COL4A3: variants seen among roughly 807,000 people sequenced by gnomAD.
The protein encoded by COL4A3 is collagen type IV alpha 3 chain, also known as collagen alpha-3(IV) chain.
A neutral mutation model predicts 217.4 loss-of-function variants in COL4A3; 135 were observed. The observed-to-expected ratio is 0.62, with a 90% CI of 0.54 to 0.72. The LOEUF (loss-of-function observed/expected upper bound fraction) is 0.72, where lower values mean the gene tolerates loss of function less well. Ranked by LOEUF, COL4A3 falls within the 30% of genes least tolerant of loss-of-function variation. The pLI is 0.00. For synonymous variants in COL4A3, 690 were observed against 736.3 expected (o/e 0.94, Z 1.02); for missense variants, 1,868 against 2,119.9 (o/e 0.88, Z 2.33).
At chr2:227,194,771 T>C (rs6724276) in intron 1 of COL4A3, among the ~76,000 whole-genome samples, 93,478 of 152,018 alleles carry the variant, frequency 0.61, 28,920 homozygotes, top group East Asian at 0.67. Flanking sequence ...ATAAATATTG[T>C]GGCTAAATGT....
At chr2:227,275,242 G>A (rs6750437) in intron 26 of COL4A3, among the ~76,000 whole-genome samples, 54,144 of 151,894 alleles carry the variant, frequency 0.36, 9,855 homozygotes, top group South Asian at 0.5. Flanking sequence ...GTGCAGTGGC[G>A]TGATCTCGGC....
intron 1 of COL4A3, among the ~76,000 whole-genome samples, chr2:227,169,590 G>A (rs1292210942): frequency 6.6e-6 from 1 of 152,074 alleles, no homozygotes; most frequent in Non-Finnish European, 1.5e-5. Flanking sequence ...ATTCTAACTG[G>A]TGAGAGATGG....
chr2:227,243,466 G>A (rs908485540), intron 3 of COL4A3, among the ~76,000 whole-genome samples: 40 of 152,196 alleles, frequency 2.6e-4, no homozygotes, highest in Admixed American at 1.8e-3. Flanking sequence ...TCGGCATCAC[G>A]TGAATAGAAT....
chr2:227,176,146 G>A (rs149607418), intron 1 of COL4A3, among the ~76,000 whole-genome samples: 33 of 152,236 alleles, frequency 2.2e-4, no homozygotes, highest in African/African-American at 7.9e-4. Flanking sequence ...GATCAACATG[G>A]CAATTGCTCA....
At chr2:227,266,530 T>G in intron 22 of COL4A3, 21 bp downstream of exon 22, 1 of 1,567,240 alleles carries the variant, frequency 6.4e-7, no homozygotes, top group Non-Finnish European at 8.8e-7. Context: ...TCAATAATGT[T>G]GTATTAGGAT....
rs1308044668 is a variant in COL4A3, at chr2:227,191,943, A to G, written c.87+27130A>G. Among the ~76,000 whole-genome samples the G allele has an allele frequency of 6.6e-6, 1 of 152,228 alleles. No individual in the cohort carries two copies. The highest frequency in any genetic ancestry group is 1.5e-5 in the Non-Finnish European group (1 of 68,038). ...AGACACTTGAGAATTGTGGAAAGGG[A>G]AAAAAATTATCGAAGGAAAGTCATA... On this transcript the variant is annotated intron_variant, in intron 1 of 51. Transcript: ENST00000396578. This position sits in a 1 kb window ranked among gnomAD's most constrained non-coding sequence, Gnocchi z 6.8.
rs1393942161 is a variant in COL4A3, at chr2:227,311,923, G to C, written c.*53G>C. 1.4e-5 allele frequency: 22 copies of C among 1,608,288 alleles called. No homozygotes were observed. Among genetic ancestry groups the C allele is most frequent in the Non-Finnish European group, 1.9e-5 (22 of 1,176,652 alleles). On this transcript the variant is annotated 3_prime_UTR_variant, in exon 52 of 52. Transcript: ENST00000396578. Reference sequence around the variant, plus strand: ...TTTTCATCCTAAAGAACAAAGTAATGACAGAACATGCTGTTATTTAGGTAT... The same window carrying C: ...TTTTCATCCTAAAGAACAAAGTAATCACAGAACATGCTGTTATTTAGGTAT...
chr2:227,231,622 G>T (rs2068411322), intron 1 of COL4A3, among the ~76,000 whole-genome samples: 1 of 152,042 alleles, frequency 6.6e-6, no homozygotes, highest in South Asian at 2.1e-4. Flanking sequence ...CTGGGTTCAA[G>T]CAATCCTCCC....
rs1235653061 is a variant in COL4A3 at position 227,197,764 on chromosome 2, C to G, written c.87+32951C>G. The stretch of plus-strand genomic sequence containing the variant: ...GGATAAGCAGAGTAGTCAATACTCT[C>G]TGAGCCCACTGTTCTGTGCCAGGCA... On this transcript the variant is annotated intron_variant, in intron 1 of 51. Transcript: ENST00000396578. Among the ~76,000 whole-genome samples, 3 of 152,326 alleles carry G rather than the reference C, an allele frequency of 2.0e-5. No individual in the cohort carries two copies. The East Asian group carries it at 5.8e-4, about 29-fold the overall frequency.
intron 20 of COL4A3, among the ~76,000 whole-genome samples, chr2:227,263,438 C>G (rs376171371): frequency 6.6e-6 from 1 of 152,210 alleles, no homozygotes; most frequent in African/African-American, 2.4e-5. Context: ...TGGGGGCATC[C>G]TCTAGTCTCT....
At chr2:227,200,131 C>T (rs567356476) in intron 1 of COL4A3, among the ~76,000 whole-genome samples, 1 of 152,166 alleles carries the variant, frequency 6.6e-6, no homozygotes, top group South Asian at 2.1e-4. Context: ...TGACTGTCAC[C>T]CCACCATCTT....
At chr2:227,225,073 G>A (rs2068012986) in intron 1 of COL4A3, among the ~76,000 whole-genome samples, 1 of 152,090 alleles carries the variant, frequency 6.6e-6, no homozygotes, top group Admixed American at 6.6e-5. Flanking sequence ...CACCATGCCT[G>A]GCTAATTTTT....
chr2:227,283,616 C>T, intron 32 of COL4A3, 151 bp from the exon 33 acceptor site: 1 of 675,304 alleles, frequency 1.5e-6, no homozygotes, highest in Non-Finnish European at 2.6e-6. Context: ...GACCCATCTC[C>T]TAGACTAATA....
At chr2:227,195,388 C>G (rs2066426245) in intron 1 of COL4A3, among the ~76,000 whole-genome samples, 1 of 152,004 alleles carries the variant, frequency 6.6e-6, no homozygotes. Context: ...AGACACACCC[C>G]ACATGTACAA....
At chr2:227,195,655 A>G (rs1378844274) in intron 1 of COL4A3, among the ~76,000 whole-genome samples, 1 of 88,244 alleles carries the variant, frequency 1.1e-5, no homozygotes, top group Non-Finnish European at 2.3e-5. Context: ...TCTATGCCAC[A>G]TATATATATA....
rs779826337 is a variant in COL4A3, at chr2:227,248,474, T to C, written c.500T>C (p.Leu167Pro). The C allele has an allele frequency of 1.2e-6, 2 of 1,613,214 alleles. No homozygotes were observed. Among genetic ancestry groups the C allele is most frequent in the East Asian group, 4.5e-5 (2 of 44,866 alleles). Residue 167 changes from leucine (L) to proline (P), a missense_variant, in exon 9 of 52, where the codon CTT becomes CCT. Transcript: ENST00000396578. ...CCTGCTAAAGAAGAAGATATAGAAC[T>C]TGATGCAAAAGGCGACCCCGGGTTG... is the stretch of plus-strand genomic sequence containing the variant. Reference protein sequence around the residue: ...GAPAKEEDIELDAKGDPGLPG... With the variant: ...GAPAKEEDIEPDAKGDPGLPG...
intron 1 of COL4A3, among the ~76,000 whole-genome samples, chr2:227,210,983 G>T (rs2067297667): frequency 6.6e-6 from 1 of 151,858 alleles, no homozygotes; most frequent in Non-Finnish European, 1.5e-5. Flanking sequence ...TAAAGCTGTA[G>T]TTTTTTTGTT....
intron 1 of COL4A3, among the ~76,000 whole-genome samples, chr2:227,221,840 T>C (rs1410229104): frequency 6.6e-6 from 1 of 151,976 alleles, no homozygotes; most frequent in African/African-American, 2.4e-5. Flanking sequence ...ATGATACCAC[T>C]TCTAGATTTG....
rs2073784637 is a variant in COL4A3, at chr2:227,312,651, T to C, written c.*781T>C. 6.6e-6 allele frequency: 1 copy of C among 152,668 alleles called. No individual in the cohort carries two copies. Among genetic ancestry groups the C allele is most frequent in the African/African-American group, 2.4e-5 (1 of 41,462 alleles). The allele number at this position is 152,668 out of a possible 1,614,324, so 9.5% of individuals were successfully genotyped here. On this transcript the variant is annotated 3_prime_UTR_variant, in exon 52 of 52. Coordinates refer to ENST00000396578, the MANE Select transcript of COL4A3 (RefSeq NM_000091.5). ...AATTAGTTTTAAAATGATATTGTTA[T>C]ATACATACTATGAAATATGTATAAC...
Sources: allele counts gnomAD v4.1 joint callset (sites outside exome capture counted in the v4.1 genomes callset), GRCh38; gene constraint gnomAD v4.1.1; non-coding constraint Gnocchi (gnomAD v3.1); transcripts MANE v1.5; gene names NCBI Gene and HGNC (gene_info 2026-07-23, HGNC 2026-07-21).